Variants in OR8G1 observed in about 807,000 individuals in gnomAD.
OR8G1 encodes the protein olfactory receptor family 8 subfamily G member 1.
For missense variants in OR8G1, 372 were observed against 356.2 expected (o/e 1.04, Z -0.36); for synonymous variants, 129 against 133.3 (o/e 0.97, Z 0.22).
intron 2 of OR8G1, 31 bp from the exon 3 acceptor site, chr11:124,249,629 T>A (rs1458734594): frequency 6.5e-7 from 1 of 1,549,048 alleles, no homozygotes; most frequent in African/African-American, 1.4e-5. Context: ...AACCATGGGG[T>A]TTTTTTGTTT....
At chr11:124,248,906 TTA>T (rs1221967678) in intron 2 of OR8G1, among the ~76,000 whole-genome samples, 1 of 152,146 alleles carries the variant, frequency 6.6e-6, no homozygotes, top group Non-Finnish European at 1.5e-5. Context: ...ATATTTTTAT[TTA>T]TCTTTCACAG....
chr11:124,253,501 G>A lies in OR8G1; in HGVS notation c.*2890G>A, dbSNP rs896709471. Reference sequence around the variant, plus strand: ...GTCAAAAAATATTGTATATATTATTGTGTACAAGTTATTTTGAATGTGTGT... The same window carrying A: ...GTCAAAAAATATTGTATATATTATTATGTACAAGTTATTTTGAATGTGTGT... On this transcript the variant is annotated 3_prime_UTR_variant, in exon 3 of 3. Transcript: ENST00000641972. 14 of 141,840 alleles carry A rather than the reference G, an allele frequency of 9.9e-5. No homozygotes were observed. The highest frequency in any genetic ancestry group is 3.0e-4 in the African/African-American group (12 of 39,558). The allele number at this position is 141,840 out of a possible 1,614,324, so 8.8% of individuals were successfully genotyped here.
rs149010801 is a variant in OR8G1, at chr11:124,248,504, T to C, written c.-17+624T>C. Among the ~76,000 whole-genome samples, 1,227 of 152,106 alleles carry C rather than the reference T, an allele frequency of 8.1e-3. 24 individuals carry two copies. The highest frequency in any genetic ancestry group is 0.027 in the African/African-American group (1,141 of 41,526). On this transcript the variant is annotated intron_variant, in intron 2 of 2. Transcript: ENST00000641972. ...GATATTTTATAGTTTAGCCTTTCTG[T>C]TTATATCTGTATTTTAGTTTTTTTA...
chr11:124,248,736 G>C (rs1046762238), intron 2 of OR8G1, among the ~76,000 whole-genome samples: 2 of 151,638 alleles, frequency 1.3e-5, no homozygotes, highest in East Asian at 3.9e-4. Flanking sequence ...AAAGTTAAAA[G>C]AAGAGAAAAA....
At position 124,251,869 on chromosome 11, in the gene OR8G1, A is replaced by G. The variant is rs1861870010; in HGVS notation, c.*1258A>G. ...GATATATAAAATATACTTCAATAAA[A>G]TTGCTTTAAAATGAAAGTGAGGGTG... On this transcript the variant is annotated 3_prime_UTR_variant, in exon 3 of 3. Transcript: ENST00000641972. 6.5e-6 allele frequency: 1 copy of G among 152,710 alleles called. No homozygotes were observed. The allele number at this position is 152,710 out of a possible 1,614,324, so 9.5% of individuals were successfully genotyped here.
At position 124,254,251 on chromosome 11, in the gene OR8G1, T is replaced by C. The variant is rs1861890656; in HGVS notation, c.*3640T>C. 1 of 152,190 alleles carries C rather than the reference T, an allele frequency of 6.6e-6. No homozygotes were observed. The allele number at this position is 152,190 out of a possible 1,614,324, so 9.4% of individuals were successfully genotyped here. ...CTATCCTAACAAGTATGAGGTGATA[T>C]CTCACTGTAGTTTCTCTGCAATTTG... On this transcript the variant is annotated 3_prime_UTR_variant, in exon 3 of 3. Coordinates refer to ENST00000641972, the MANE Select transcript of OR8G1 (RefSeq NM_001002905.2).
rs1861880147 is a variant in OR8G1, at chr11:124,253,152, G to A, written c.*2541G>A. 1 of 152,192 alleles carries A rather than the reference G, an allele frequency of 6.6e-6. No homozygotes were observed. The highest frequency in any genetic ancestry group is 2.4e-5 in the African/African-American group (1 of 41,446). The allele number at this position is 152,192 out of a possible 1,614,324, so 9.4% of individuals were successfully genotyped here. A position where few individuals can be genotyped will look rare whatever the true frequency, so the allele number is the denominator to read the frequency against. ...ACTATTTATGTTTGCTGAGTGCAGT[G>A]GCTCATGCCTGTAGTCCCAGCACTT... is the stretch of plus-strand genomic sequence containing the variant. On this transcript the variant is annotated 3_prime_UTR_variant, in exon 3 of 3. Coordinates refer to ENST00000641972, the MANE Select transcript of OR8G1 (RefSeq NM_001002905.2).
In OR8G1 at chr11:124,251,533, C is replaced by A; in HGVS notation, c.*922C>A. On this transcript the variant is annotated 3_prime_UTR_variant, in exon 3 of 3. Coordinates refer to ENST00000641972, the MANE Select transcript of OR8G1 (RefSeq NM_001002905.2). ...ATGCTAAGATGTATGTGTATTTGTT[C>A]TGTGAAAAATCCCAATGCAGATATG... is the stretch of plus-strand genomic sequence containing the variant. 2.3e-6 allele frequency: 1 copy of A among 438,582 alleles called. No individual in the cohort carries two copies. 27.2% of individuals were successfully genotyped at this position (438,582 alleles called of 1,614,324 possible).
rs184859300 is a variant in OR8G1 at position 124,244,146 on chromosome 11, T to C, written c.-97+2782T>C. Among the ~76,000 whole-genome samples the C allele has an allele frequency of 6.0e-3, 884 of 146,410 alleles. 9 individuals carry two copies. The highest frequency in any genetic ancestry group is 0.019 in the African/African-American group (732 of 39,530). On this transcript the variant is annotated intron_variant, in intron 1 of 2. Transcript: ENST00000641972. The stretch of plus-strand genomic sequence containing the variant: ...AGATGGAGAGAGAATGAGGAAAGGA[T>C]GGAGAGAGGGAGAGAGAGATGGAGA...
Position 124,251,714 on chromosome 11 carries a change from G to A in OR8G1, c.*1103G>A, listed in dbSNP as rs546849866. 4.9e-4 allele frequency: 91 copies of A among 185,642 alleles called. 6 individuals carry two copies. In the South Asian group the frequency reaches 7.5e-3, roughly 15 times the overall value. The allele number at this position is 185,642 out of a possible 1,614,324, so 11.5% of individuals were successfully genotyped here. On this transcript the variant is annotated 3_prime_UTR_variant, in exon 3 of 3. Coordinates refer to ENST00000641972, the MANE Select transcript of OR8G1 (RefSeq NM_001002905.2). ...CTGATGGGTAAACATAGCAAATCTG[G>A]TGATAGAGTTGGAACCTGAATAGCA... is the stretch of plus-strand genomic sequence containing the variant.
At chr11:124,248,266 A>T (rs577703437) in intron 2 of OR8G1, among the ~76,000 whole-genome samples, 48 of 152,012 alleles carry the variant, frequency 3.2e-4, no homozygotes, top group African/African-American at 1.1e-3. Context: ...TTTTTCAGAT[A>T]TATGTATTTC....
chr11:124,244,599 A>G (rs533598715), intron 1 of OR8G1, among the ~76,000 whole-genome samples: 1 of 152,034 alleles, frequency 6.6e-6, no homozygotes, highest in South Asian at 2.1e-4. Context: ...CCCTGATTTG[A>G]AACAAGTTAC....
chr11:124,246,470 A>C (rs910612895), intron 1 of OR8G1, among the ~76,000 whole-genome samples: 1 of 151,910 alleles, frequency 6.6e-6, no homozygotes, highest in African/African-American at 2.4e-5. Flanking sequence ...AGAAAAAGGA[A>C]AGTTTAGGCA....
chr11:124,251,408 A>G lies in OR8G1; in HGVS notation c.*797A>G. On this transcript the variant is annotated 3_prime_UTR_variant, in exon 3 of 3. Transcript: ENST00000641972. The stretch of plus-strand genomic sequence containing the variant: ...TCTCGAAGAGCTACATATGTTTTTA[A>G]ATCTAATCTAATTTAATTTATATTT... 9.9e-7 allele frequency: 1 copy of G among 1,013,980 alleles called. No individual in the cohort carries two copies. The highest frequency in any genetic ancestry group is 1.4e-6 in the Non-Finnish European group (1 of 716,410). 62.8% of individuals were successfully genotyped at this position (1,013,980 alleles called of 1,614,324 possible).
rs779380420 is a variant in OR8G1, at chr11:124,252,189, C to A, written c.*1578C>A. The A allele has an allele frequency of 4.6e-5, 7 of 152,124 alleles. No individual in the cohort carries two copies. Among genetic ancestry groups the A allele is most frequent in the Non-Finnish European group, 7.4e-5 (5 of 68,022 alleles). 9.4% of individuals were successfully genotyped at this position (152,124 alleles called of 1,614,324 possible). On this transcript the variant is annotated 3_prime_UTR_variant, in exon 3 of 3. Transcript: ENST00000641972. ...ACCAAGTAGATTTGGATCTTCTTGCCTGAGAAAATTCTCAATCAATCATGG... is the reference window on the plus strand; with the variant it reads ...ACCAAGTAGATTTGGATCTTCTTGCATGAGAAAATTCTCAATCAATCATGG...
At chr11:124,243,333 A>AT (rs1397143798) in intron 1 of OR8G1, among the ~76,000 whole-genome samples, 5 of 151,888 alleles carry the variant, frequency 3.3e-5, no homozygotes, top group Non-Finnish European at 5.9e-5. Flanking sequence ...CATGTAAAGT[A>AT]TTTTTCAGAG....
intron 1 of OR8G1, among the ~76,000 whole-genome samples, chr11:124,247,536 C>A (rs1861823663): frequency 6.6e-6 from 1 of 151,748 alleles, no homozygotes; most frequent in Non-Finnish European, 1.5e-5. Flanking sequence ...AGAGAGAAAA[C>A]CGTAAGTCTA....
At chr11:124,248,848 GCTTA>G (rs982858658) in intron 2 of OR8G1, among the ~76,000 whole-genome samples, 1 of 151,980 alleles carries the variant, frequency 6.6e-6, no homozygotes, top group African/African-American at 2.4e-5. Context: ...TGATGATCTT[GCTTA>G]CTTTCTGATT....
chr11:124,254,020 C>T lies in OR8G1; in HGVS notation c.*3409C>T, dbSNP rs983742799. ...AATAAACATGGGAGTGCAGATATTT[C>T]TTTGACGTGCTGATTGTATTTTTTG... On this transcript the variant is annotated 3_prime_UTR_variant, in exon 3 of 3. Transcript: ENST00000641972. 1 of 152,214 alleles carries T rather than the reference C, an allele frequency of 6.6e-6. No homozygotes were observed. The highest frequency in any genetic ancestry group is 1.9e-4 in the East Asian group (1 of 5,186). The allele number at this position is 152,214 out of a possible 1,614,324, so 9.4% of individuals were successfully genotyped here.
Sources: allele counts gnomAD v4.1 joint callset (sites outside exome capture counted in the v4.1 genomes callset), GRCh38; gene constraint gnomAD v4.1.1; transcripts MANE v1.5; gene names NCBI Gene and HGNC (gene_info 2026-07-23, HGNC 2026-07-21).